BCAS3: variants seen among roughly 807,000 people sequenced by gnomAD.
The protein encoded by BCAS3 is BCAS4/BCAS3 fusion.
A neutral mutation model predicts 116.1 loss-of-function variants in BCAS3; 53 were observed. The observed-to-expected ratio is 0.46, with a 90% CI of 0.37 to 0.57. BCAS3 has a LOEUF of 0.57. BCAS3 is among the 20% of genes least tolerant of loss of function. The pLI is 0.00. For synonymous variants in BCAS3, 391 were observed against 408.2 expected, an observed-to-expected ratio of 0.96 and a Z score of 0.51; for missense variants, 917 against 1,165.4, an observed-to-expected ratio of 0.79 and a Z score of 3.10.
At chr17:60,865,432 A>G (rs1009955925) in intron 7 of BCAS3, among the ~76,000 whole-genome samples, 5 of 152,180 alleles carry the variant, frequency 3.3e-5, no homozygotes, top group African/African-American at 7.2e-5. Flanking sequence ...GGTATTTACT[A>G]TTATTTATTT....
In BCAS3 at chr17:61,019,245, T is replaced by C. The variant is rs895777839; in HGVS notation, c.1637+3344T>C. On this transcript the variant is annotated intron_variant, in intron 16 of 23. Coordinates refer to ENST00000407086, the MANE Select transcript of BCAS3 (RefSeq NM_017679.5). The surrounding 1 kb of genome is among the most constrained non-coding windows in gnomAD (Gnocchi z 5.6). ...GTTAAGAGTGCAAACCCTATTGTTG[T>C]GAACTACACATGTGAGGGACCTAGG... is the stretch of plus-strand genomic sequence containing the variant. Among the ~76,000 whole-genome samples the C allele has an allele frequency of 6.6e-6, 1 of 152,156 alleles. No homozygotes were observed. Among genetic ancestry groups the C allele is most frequent in the Non-Finnish European group, 1.5e-5 (1 of 68,028 alleles).
intron 6 of BCAS3, among the ~76,000 whole-genome samples, chr17:60,797,864 GACCC>G (rs2047356119): frequency 6.6e-6 from 1 of 152,078 alleles, no homozygotes; most frequent in African/African-American, 2.4e-5. Flanking sequence ...AACATGGCGA[GACCC>G]CGTTTCTGCA....
At chr17:61,250,770 C>T (rs1208979743) in intron 22 of BCAS3, among the ~76,000 whole-genome samples, 2 of 152,178 alleles carry the variant, frequency 1.3e-5, no homozygotes, top group African/African-American at 4.8e-5. Flanking sequence ...AGACCTTGGG[C>T]GAGTTACTGC....
chr17:60,932,248 T>A (rs1256060431), intron 13 of BCAS3, among the ~76,000 whole-genome samples: 2 of 152,136 alleles, frequency 1.3e-5, no homozygotes, highest in African/African-American at 4.8e-5. Context: ...TAATATTTTG[T>A]CCCCAAGTAT....
rs2076405892 is a variant in BCAS3 at position 61,132,766 on chromosome 17, A to C, written c.2425+48202A>C. Among the ~76,000 whole-genome samples, 1 of 152,136 alleles carries C rather than the reference A, an allele frequency of 6.6e-6. No individual in the cohort carries two copies. The highest frequency in any genetic ancestry group is 2.4e-5 in the African/African-American group (1 of 41,420). On this transcript the variant is annotated intron_variant, in intron 22 of 23. Coordinates refer to ENST00000407086, the MANE Select transcript of BCAS3 (RefSeq NM_017679.5). This position sits in a 1 kb window ranked among gnomAD's most constrained non-coding sequence, Gnocchi z 5.1. Reference sequence around the variant, plus strand: ...GAAAGACAAGAGAAGTGGAAGATAGAGTCCACTCCCCTATCCCCGTCAATG... The same window carrying C: ...GAAAGACAAGAGAAGTGGAAGATAGCGTCCACTCCCCTATCCCCGTCAATG...
intron 23 of BCAS3, among the ~76,000 whole-genome samples, chr17:61,375,218 T>TTGTG (rs59961930): frequency 0.029 from 4,147 of 142,528 alleles, 80 homozygotes; most frequent in East Asian, 0.043. Flanking sequence ...AAAGCACTAT[T>TTGTG]TGTGTGTGTG....
At chr17:61,314,308 T>C (rs960440896) in intron 22 of BCAS3, among the ~76,000 whole-genome samples, 4 of 152,202 alleles carry the variant, frequency 2.6e-5, no homozygotes, top group African/African-American at 9.6e-5. Context: ...TCGGTCCTTC[T>C]CCTCTTTTAC....
At chr17:60,849,474 G>A (rs1172189484) in intron 7 of BCAS3, among the ~76,000 whole-genome samples, 1 of 151,896 alleles carries the variant, frequency 6.6e-6, no homozygotes, top group South Asian at 2.1e-4. Flanking sequence ...ACTTGGTTGG[G>A]TGTTTATTAT....
At chr17:60,848,482 A>G (rs1473445423) in intron 7 of BCAS3, among the ~76,000 whole-genome samples, 1 of 152,134 alleles carries the variant, frequency 6.6e-6, no homozygotes, top group East Asian at 1.9e-4. Flanking sequence ...ATTATCTGGA[A>G]TTTTCGACAT....
chr17:61,040,916 T>TC, intron 19 of BCAS3, 24 bp downstream of exon 19: 1 of 1,568,962 alleles, frequency 6.4e-7, no homozygotes, highest in Non-Finnish European at 8.8e-7. Flanking sequence ...ATTTTTTTTT[T>TC]CCTTTCGTAT....
intron 5 of BCAS3, among the ~76,000 whole-genome samples, chr17:60,722,009 T>C (rs1056857966): frequency 6.6e-6 from 1 of 152,214 alleles, no homozygotes; most frequent in African/African-American, 2.4e-5. Context: ...ATTATGACTG[T>C]AAGATTTGTT....
At chr17:60,970,964 T>C (rs1044759553) in intron 14 of BCAS3, among the ~76,000 whole-genome samples, 5 of 152,208 alleles carry the variant, frequency 3.3e-5, no homozygotes, top group Admixed American at 1.3e-4. Context: ...TGAATGGATA[T>C]GAAACAGTGG....
intron 5 of BCAS3, among the ~76,000 whole-genome samples, chr17:60,729,708 A>G (rs1321052486): frequency 6.6e-6 from 1 of 152,234 alleles, no homozygotes; most frequent in Non-Finnish European, 1.5e-5. Context: ...AAAATGTAAC[A>G]AATTCAGTCT....
chr17:61,161,387 C>A lies in BCAS3; in HGVS notation c.2425+76823C>A, dbSNP rs1415219318. Among the ~76,000 whole-genome samples, 1 of 152,148 alleles carries A rather than the reference C, an allele frequency of 6.6e-6. No homozygotes were observed. The highest frequency in any genetic ancestry group is 1.5e-5 in the Non-Finnish European group (1 of 68,026). ...GAAAAGGCCTGGGATGGATTTTGAT[C>A]ATGTTACAAGGCCCACTTGTTGCAT... On this transcript the variant is annotated intron_variant, in intron 22 of 23. Transcript: ENST00000407086. This position sits in a 1 kb window ranked among gnomAD's most constrained non-coding sequence, Gnocchi z 4.8.
At chr17:60,968,747 T>C (rs2061792049) in intron 14 of BCAS3, among the ~76,000 whole-genome samples, 1 of 152,162 alleles carries the variant, frequency 6.6e-6, no homozygotes, top group African/African-American at 2.4e-5. Flanking sequence ...TACATGGTGC[T>C]GCTGAACAGC....
intron 7 of BCAS3, among the ~76,000 whole-genome samples, chr17:60,830,069 G>A (rs28666547): frequency 0.22 from 33,189 of 151,920 alleles, 4,658 homozygotes; most frequent in African/African-American, 0.41. Flanking sequence ...TTAGCTCACC[G>A]CAACCTCTGC....
In BCAS3 at chr17:61,355,721, C is replaced by T. The variant is rs1189715666; in HGVS notation, c.2426-12606C>T. 2.0e-5 allele frequency among the ~76,000 whole-genome samples: 3 copies of T among 152,308 alleles called. No individual in the cohort carries two copies. The highest frequency in any genetic ancestry group is 7.2e-5 in the African/African-American group (3 of 41,570). On this transcript the variant is annotated intron_variant, in intron 22 of 23. Coordinates refer to ENST00000407086, the MANE Select transcript of BCAS3 (RefSeq NM_017679.5). The surrounding 1 kb of genome is among the most constrained non-coding windows in gnomAD (Gnocchi z 4.2). ...AGCTATGCCTGATGCAAAGTGGACA[C>T]CCGACAAATGTTAGTTATCTTACCT...
At chr17:60,979,170 T>C (rs2062624862) in intron 14 of BCAS3, among the ~76,000 whole-genome samples, 1 of 151,576 alleles carries the variant, frequency 6.6e-6, no homozygotes, top group Admixed American at 6.6e-5. Context: ...GTATCCTCTT[T>C]TATTTCCTCG....
rs2082280599 is a variant in BCAS3, at chr17:61,224,610, G to T, written c.2425+140046G>T. Among the ~76,000 whole-genome samples the T allele has an allele frequency of 1.3e-5, 2 of 152,146 alleles. No individual in the cohort carries two copies. The highest frequency in any genetic ancestry group is 6.5e-5 in the Admixed American group (1 of 15,276). ...GTTTCATATACATCTGGAGTCAACT[G>T]GTTTGTTGGGATTTGCATCTTGCAT... On this transcript the variant is annotated intron_variant, in intron 22 of 23. Coordinates refer to ENST00000407086, the MANE Select transcript of BCAS3 (RefSeq NM_017679.5). The surrounding 1 kb of genome is among the most constrained non-coding windows in gnomAD (Gnocchi z 5.7).
Sources: gnomAD v4.1 joint callset for allele counts (sites outside exome capture counted in the v4.1 genomes callset) on GRCh38, gnomAD v4.1.1 for gene constraint, Gnocchi (gnomAD v3.1) non-coding constraint, MANE v1.5 for transcripts, NCBI Gene and HGNC (gene_info 2026-07-23, HGNC 2026-07-21) for gene names.